The following HIPK2 variants were observed in gnomAD, a reference collection of about 807,000 sequenced individuals.
HIPK2 encodes homeodomain interacting protein kinase 2.
Under a neutral mutation model 113.7 loss-of-function variants are expected in HIPK2, and 27 were observed. The ratio of observed to expected loss-of-function variants is 0.24; its 90% CI spans 0.17 to 0.33. The LOEUF (loss-of-function observed/expected upper bound fraction) is 0.33, where lower values mean the gene tolerates loss of function less well. Among genes scored for constraint, HIPK2 ranks in the 10% least tolerant of loss-of-function variants. HIPK2 has a pLI of 1.00. For synonymous variants in HIPK2, 631 were observed against 642.2 expected (o/e 0.98, Z 0.26); for missense variants, 1,257 against 1,588.0 (o/e 0.79, Z 3.54).
chr7:139,572,902 T>A lies in HIPK2; in HGVS notation c.*25A>T. 19 of 301,384 alleles carry A rather than the reference T, an allele frequency of 6.3e-5. No individual in the cohort carries two copies. Among genetic ancestry groups the A allele is most frequent in the Non-Finnish European group, 1.2e-4 (18 of 153,854 alleles). The allele number at this position is 301,384 out of a possible 1,614,324, so 18.7% of individuals were successfully genotyped here. On this transcript the variant is annotated 3_prime_UTR_variant, in exon 15 of 15. Transcript: ENST00000406875. ...TCCCTCGGGCCATTCTCTCCCTCCC[T>A]CCCTCCCTCCCTCCCCTCCAGTGTT... is the stretch of plus-strand genomic sequence containing the variant.
intron 2 of HIPK2, among the ~76,000 whole-genome samples, chr7:139,639,938 G>C (rs1267705774): frequency 6.6e-6 from 1 of 152,032 alleles, no homozygotes; most frequent in East Asian, 1.9e-4. Flanking sequence ...GCTTCCACAG[G>C]GGCTGTTCCT....
chr7:139,690,770 C>T (rs960120221), intron 2 of HIPK2, among the ~76,000 whole-genome samples: 4 of 152,256 alleles, frequency 2.6e-5, no homozygotes, highest in African/African-American at 9.6e-5. Flanking sequence ...AGCTCCCCTT[C>T]ACCTTCAGCC....
chr7:139,721,579 G>A (rs569616669), intron 1 of HIPK2, among the ~76,000 whole-genome samples: 123 of 152,338 alleles, frequency 8.1e-4, no homozygotes, highest in African/African-American at 2.7e-3. Context: ...CTCTGGACTA[G>A]TCAAGGCTAC....
intron 2 of HIPK2, among the ~76,000 whole-genome samples, chr7:139,665,507 A>G (rs998303903): frequency 2.0e-5 from 3 of 152,176 alleles, no homozygotes; most frequent in Admixed American, 6.5e-5. Flanking sequence ...CTAGCTATGC[A>G]TGCGCTGACC....
intron 2 of HIPK2, among the ~76,000 whole-genome samples, chr7:139,660,881 A>C (rs1801844572): frequency 6.6e-6 from 1 of 152,230 alleles, no homozygotes. Flanking sequence ...TGAGCACAAA[A>C]GGGGAGCTAC....
intron 8 of HIPK2, 110 bp downstream of exon 8, chr7:139,614,176 G>A: frequency 1.9e-6 from 2 of 1,050,530 alleles, no homozygotes; most frequent in Non-Finnish European, 2.5e-6. Flanking sequence ...TGGAAGAAAT[G>A]AGGAGGGCCT....
chr7:139,703,793 ACACACCC>A (rs1390747047), intron 2 of HIPK2, among the ~76,000 whole-genome samples: 8,771 of 130,562 alleles, frequency 0.067, 393 homozygotes, highest in East Asian at 0.15. Flanking sequence ...CACACCACAC[ACACACCC>A]CACACCCCAC....
At chr7:139,740,152 C>T (rs776243457) in intron 1 of HIPK2, among the ~76,000 whole-genome samples, 1 of 152,144 alleles carries the variant, frequency 6.6e-6, no homozygotes, top group Non-Finnish European at 1.5e-5. Flanking sequence ...ATGCAAAGTC[C>T]CCCAGAGGTC....
intron 2 of HIPK2, among the ~76,000 whole-genome samples, chr7:139,679,592 A>T (rs1325870082): frequency 2.0e-5 from 3 of 152,166 alleles, no homozygotes; most frequent in African/African-American, 7.2e-5. Context: ...ATGGGGGGAA[A>T]ATTCCAGGAG....
In HIPK2 at chr7:139,683,499, C is replaced by CAG. The variant is rs141191182; in HGVS notation, c.1103+32431_1103+32432dup. ...ACACGGGAGCCAAAGCGAGAAATAC[C>CAG]AGAGAGAGAGACACACGCATACCAA... is the stretch of plus-strand genomic sequence containing the variant. On this transcript the variant is annotated intron_variant, in intron 2 of 14. Coordinates refer to ENST00000406875, the MANE Select transcript of HIPK2 (RefSeq NM_022740.5). This position sits in a 1 kb window ranked among gnomAD's most constrained non-coding sequence, Gnocchi z 4.2. 0.039 allele frequency among the ~76,000 whole-genome samples: 5,986 copies of CAG among 152,182 alleles called. 397 individuals carry two copies. The highest frequency in any genetic ancestry group is 0.14 in the African/African-American group (5,607 of 41,474).
chr7:139,564,102 G>A lies in HIPK2; in HGVS notation c.*8825C>T, dbSNP rs565314401. On this transcript the variant is annotated 3_prime_UTR_variant, in exon 15 of 15. Transcript: ENST00000406875. ...GCTCAGCCCTGACCATCTCTGAGAG[G>A]ATGCTAAGGTCCCCCTCCCACCGAA... The A allele has an allele frequency of 5.5e-5, 22 of 397,506 alleles. No individual in the cohort carries two copies. Among genetic ancestry groups the A allele is most frequent in the African/African-American group, 3.5e-4 (17 of 48,716 alleles). The allele number at this position is 397,506 out of a possible 1,614,324, so 24.6% of individuals were successfully genotyped here. A position where few individuals can be genotyped will look rare whatever the true frequency, so the allele number is the denominator to read the frequency against.
At chr7:139,724,800 C>T (rs1164080000) in intron 1 of HIPK2, among the ~76,000 whole-genome samples, 2 of 149,958 alleles carry the variant, frequency 1.3e-5, no homozygotes, top group South Asian at 2.1e-4. Flanking sequence ...TTTGTCCTTG[C>T]GATAGTCTAC....
intron 2 of HIPK2, among the ~76,000 whole-genome samples, chr7:139,710,549 G>A (rs1311214560): frequency 6.6e-6 from 1 of 152,210 alleles, no homozygotes; most frequent in East Asian, 1.9e-4. Context: ...GTTGGTTTGT[G>A]TTTTCCATCT....
chr7:139,751,749 G>A (rs1360387711), intron 1 of HIPK2, among the ~76,000 whole-genome samples: 1 of 152,152 alleles, frequency 6.6e-6, no homozygotes. Context: ...GCTTGAGAAG[G>A]CAGATGCCAT....
chr7:139,678,339 T>G (rs1802576925), intron 2 of HIPK2, among the ~76,000 whole-genome samples: 1 of 151,790 alleles, frequency 6.6e-6, no homozygotes, highest in Non-Finnish European at 1.5e-5. Context: ...CTTCTAGGGT[T>G]TTTATATTTT....
intron 2 of HIPK2, among the ~76,000 whole-genome samples, chr7:139,707,376 A>G (rs377037088): frequency 1.1e-4 from 16 of 152,232 alleles, no homozygotes; most frequent in African/African-American, 3.9e-4. Flanking sequence ...CACCCTCCGT[A>G]AGACCCCGCA....
chr7:139,729,409 C>T (rs1322711606), intron 1 of HIPK2, among the ~76,000 whole-genome samples: 3 of 146,696 alleles, frequency 2.0e-5, no homozygotes, highest in Admixed American at 6.8e-5. Context: ...ATTAATAACA[C>T]AAAAACTAGG....
chr7:139,587,889 T>C (rs1798890156), intron 12 of HIPK2, among the ~76,000 whole-genome samples: 1 of 151,784 alleles, frequency 6.6e-6, no homozygotes, highest in African/African-American at 2.4e-5. Context: ...AGAAAATAAA[T>C]AAATAAATAA....
intron 2 of HIPK2, among the ~76,000 whole-genome samples, chr7:139,687,109 A>T (rs369881185): frequency 1.3e-5 from 2 of 152,248 alleles, no homozygotes; most frequent in African/African-American, 4.8e-5. Context: ...TCATTCATTC[A>T]TTCATTTATT....
Sources: gnomAD v4.1 joint callset for allele counts (sites outside exome capture counted in the v4.1 genomes callset) on GRCh38, gnomAD v4.1.1 for gene constraint, Gnocchi (gnomAD v3.1) non-coding constraint, MANE v1.5 for transcripts, NCBI Gene and HGNC (gene_info 2026-07-23, HGNC 2026-07-21) for gene names.